The following DOCK3 variants were observed in gnomAD, a reference collection of about 807,000 sequenced individuals.
DOCK3 encodes dedicator of cytokinesis protein 3.
In DOCK3, 60 loss-of-function variants were observed where a neutral mutation model predicts 265.6. The observed-to-expected ratio is 0.23, with a 90% CI of 0.18 to 0.28. The LOEUF (loss-of-function observed/expected upper bound fraction) is 0.28, where lower values mean the gene tolerates loss of function less well. Among genes scored for constraint, DOCK3 ranks in the 10% least tolerant of loss-of-function variants. The pLI is 1.00. For missense variants in DOCK3, 1,981 were observed against 2,594.3 expected (o/e 0.76, Z 5.14); for synonymous variants, 881 against 938.0 (o/e 0.94, Z 1.11).
chr3:50,737,457 C>T (rs1339135788), intron 1 of DOCK3, among the ~76,000 whole-genome samples: 3 of 152,180 alleles, frequency 2.0e-5, no homozygotes, highest in Non-Finnish European at 4.4e-5. Flanking sequence ...ATTCAATCAC[C>T]TCCCACCAGG....
chr3:50,906,006 A>G (rs1293935816), intron 4 of DOCK3, among the ~76,000 whole-genome samples: 1 of 152,054 alleles, frequency 6.6e-6, no homozygotes, highest in East Asian at 1.9e-4. Flanking sequence ...CCTTTTCTGC[A>G]TCTATTGAGA....
chr3:51,184,580 A>G (rs1024370662), intron 12 of DOCK3, among the ~76,000 whole-genome samples: 1 of 152,144 alleles, frequency 6.6e-6, no homozygotes, highest in Non-Finnish European at 1.5e-5. Context: ...TTTTAACCCA[A>G]AGTATAAGAT....
chr3:51,118,959 T>C (rs991267639), intron 9 of DOCK3, among the ~76,000 whole-genome samples: 1 of 152,188 alleles, frequency 6.6e-6, no homozygotes, highest in Non-Finnish European at 1.5e-5. Context: ...AATTGGGGCA[T>C]TTAGCCCATT....
intron 2 of DOCK3, among the ~76,000 whole-genome samples, chr3:50,804,696 C>A (rs1240705651): frequency 9.2e-5 from 14 of 151,854 alleles, no homozygotes; most frequent in Non-Finnish European, 1.5e-4. Flanking sequence ...GCACTATAGT[C>A]CAGCCTCCGC....
At chr3:51,291,950 G>C (rs138664958) in intron 27 of DOCK3, among the ~76,000 whole-genome samples, 5 of 152,094 alleles carry the variant, frequency 3.3e-5, no homozygotes, top group African/African-American at 1.2e-4. Context: ...AACATACTCA[G>C]ATCAATAAAT....
intron 49 of DOCK3, among the ~76,000 whole-genome samples, chr3:51,372,769 A>G (rs979593177): frequency 6.6e-6 from 1 of 152,198 alleles, no homozygotes; most frequent in African/African-American, 2.4e-5. Context: ...GTGGGCTGCA[A>G]TGCTCAGGAA....
At chr3:51,289,905 A>G (rs1276997937) in intron 27 of DOCK3, among the ~76,000 whole-genome samples, 7 of 152,262 alleles carry the variant, frequency 4.6e-5, no homozygotes, top group Non-Finnish European at 7.3e-5. Flanking sequence ...AAAAGAAGAC[A>G]TTTATGCAGC....
chr3:50,778,986 AAC>A (rs1272084850), intron 2 of DOCK3, among the ~76,000 whole-genome samples: 2 of 152,196 alleles, frequency 1.3e-5, no homozygotes, highest in Admixed American at 6.5e-5. Context: ...TGGCTGTCAG[AAC>A]ACGTTTTTTA....
At position 51,260,141 on chromosome 3, in the gene DOCK3, TCCCACAC is replaced by T; in HGVS notation, c.2185-14_2185-8del. 1 of 1,608,850 alleles carries T rather than the reference TCCCACAC, an allele frequency of 6.2e-7. No homozygotes were observed. ...TTCAACATCTCTCCATCACTTTTTC[TCCCACAC>T]TTTTCAGGCCTTGGAGTACCTTTTC... On this transcript the variant is annotated splice_region_variant and splice_polypyrimidine_tract_variant and intron_variant, in intron 22 of 52. Coordinates refer to ENST00000266037, the MANE Select transcript of DOCK3 (RefSeq NM_004947.5).
intron 13 of DOCK3, among the ~76,000 whole-genome samples, chr3:51,209,100 G>C (rs1334146916): frequency 6.6e-6 from 1 of 152,154 alleles, no homozygotes; most frequent in Non-Finnish European, 1.5e-5. Flanking sequence ...TAGGTAACTC[G>C]AGTTCCAATT....
intron 5 of DOCK3, among the ~76,000 whole-genome samples, chr3:51,008,892 T>A (rs2078807106): frequency 6.6e-6 from 1 of 152,218 alleles, no homozygotes; most frequent in Admixed American, 6.5e-5. Context: ...GTTTTTGTCT[T>A]TGGTTCTGTT....
At chr3:50,970,201 CT>C (rs1211352760) in intron 5 of DOCK3, among the ~76,000 whole-genome samples, 2 of 152,132 alleles carry the variant, frequency 1.3e-5, no homozygotes, top group Non-Finnish European at 2.9e-5. Flanking sequence ...TGATTATATG[CT>C]TTTATTTTGC....
chr3:51,326,740 G>T (rs2084153655), intron 32 of DOCK3, among the ~76,000 whole-genome samples: 1 of 151,824 alleles, frequency 6.6e-6, no homozygotes, highest in Non-Finnish European at 1.5e-5. Context: ...TCCTGCCTCA[G>T]CCTCCCAAGT....
In DOCK3 at chr3:50,784,482, C is replaced by T. The variant is rs190137966; in HGVS notation, c.121+5724C>T. Among the ~76,000 whole-genome samples the T allele has an allele frequency of 3.1e-3, 474 of 152,146 alleles. 1 individual carries two copies. The highest frequency in any genetic ancestry group is 6.8e-3 in the Middle Eastern group (2 of 294). Reference sequence around the variant, plus strand: ...TTGTTCTTTTTGCTTAGTCTTGCTTCGGCTATGTGGGCTCTTTTTTGGTTC... The same window carrying T: ...TTGTTCTTTTTGCTTAGTCTTGCTTTGGCTATGTGGGCTCTTTTTTGGTTC... On this transcript the variant is annotated intron_variant, in intron 2 of 52. Coordinates refer to ENST00000266037, the MANE Select transcript of DOCK3 (RefSeq NM_004947.5).
intron 9 of DOCK3, among the ~76,000 whole-genome samples, chr3:51,134,659 G>A (rs1358356764): frequency 1.3e-5 from 2 of 152,098 alleles, no homozygotes; most frequent in Non-Finnish European, 2.9e-5. Context: ...CTTTCATGCA[G>A]CACCTCTAGG....
rs555781474 is a variant in DOCK3 at position 50,777,707 on chromosome 3, G to T, written c.38-968G>T. 2.6e-5 allele frequency among the ~76,000 whole-genome samples: 4 copies of T among 152,078 alleles called. No homozygotes were observed. The South Asian group carries it at 8.3e-4, about 32-fold the overall frequency. On this transcript the variant is annotated intron_variant, in intron 1 of 52. Coordinates refer to ENST00000266037, the MANE Select transcript of DOCK3 (RefSeq NM_004947.5). ...GTAAAAGGGATTGAGTTCTTGATTT[G>T]ATTCTCAGCTTGATTTTTGGTGTAT...
At chr3:51,278,195 T>G in intron 26 of DOCK3, 1 of 985,450 alleles carries the variant, frequency 1.0e-6, no homozygotes, top group African/African-American at 1.7e-5. Context: ...TTTTGTCCAT[T>G]ATGTTTGTAT....
chr3:51,309,907 C>T (rs1483601041), intron 27 of DOCK3, among the ~76,000 whole-genome samples: 2 of 152,244 alleles, frequency 1.3e-5, no homozygotes, highest in Non-Finnish European at 2.9e-5. Context: ...CCCATGGACT[C>T]AGTCGGACAC....
intron 5 of DOCK3, among the ~76,000 whole-genome samples, chr3:50,940,601 T>C (rs773979037): frequency 1.3e-5 from 2 of 152,112 alleles, no homozygotes; most frequent in African/African-American, 2.4e-5. Flanking sequence ...ATAAAATTTC[T>C]AGGGGAATGC....
Sources: gnomAD v4.1 joint callset for allele counts (sites outside exome capture counted in the v4.1 genomes callset) on GRCh38, gnomAD v4.1.1 for gene constraint, MANE v1.5 for transcripts, NCBI Gene and HGNC (gene_info 2026-07-23, HGNC 2026-07-21) for gene names.